PCNX2: variants seen among roughly 807,000 people sequenced by gnomAD.
PCNX2 encodes pecanex-like protein 2.
PCNX2 carries 168 observed loss-of-function variants against 223.8 expected under a neutral mutation model. That is an observed-to-expected ratio of 0.75 (90% confidence interval 0.66 to 0.85). The LOEUF is 0.85. PCNX2 is among the 40% of genes least tolerant of loss of function. The pLI, the probability that PCNX2 is intolerant of heterozygous loss-of-function variation, is 0.00. For missense variants in PCNX2, 2,507 were observed against 2,675.5 expected (o/e 0.94, Z 1.39); for synonymous variants, 1,006 against 1,052.6 (o/e 0.96, Z 0.86).
At chr1:233,185,662 A>G (rs1004912819) in intron 15 of PCNX2, among the ~76,000 whole-genome samples, 8 of 152,160 alleles carry the variant, frequency 5.3e-5, no homozygotes, top group African/African-American at 1.9e-4. Context: ...GGCTCAGAGG[A>G]AGAAGGGATC....
At chr1:233,246,672 AG>A (rs1491588879) in intron 8 of PCNX2, among the ~76,000 whole-genome samples, 1 of 152,162 alleles carries the variant, frequency 6.6e-6, no homozygotes, top group South Asian at 2.1e-4. Context: ...ATGGGAACAC[AG>A]GGGTAAGGTA....
At chr1:233,169,621 G>C (rs1159802942) in intron 17 of PCNX2, among the ~76,000 whole-genome samples, 1 of 142,852 alleles carries the variant, frequency 7.0e-6, no homozygotes, top group South Asian at 2.2e-4. Flanking sequence ...CTCCAGCCTG[G>C]GCGACAGAGC....
chr1:233,263,120 G>A lies in PCNX2; in HGVS notation c.197C>T (p.Ala66Val). 1 of 1,612,796 alleles carries A rather than the reference G, an allele frequency of 6.2e-7. No homozygotes were observed. Among genetic ancestry groups the A allele is most frequent in the South Asian group, 1.1e-5 (1 of 91,028 alleles). Reference protein sequence around the residue: ...NAIIVFFYCSAVTIFFTIIKL... With the variant: ...NAIIVFFYCSVVTIFFTIIKL... ...GATTATTGTGAAGAATATAGTCACT[G>A]CACTGCAGTAGAAAAATACAATGAT... Residue 66 changes from alanine (A) to valine (V), a missense_variant, in exon 2 of 34, where the codon GCA becomes GTA. Coordinates refer to ENST00000258229, the MANE Select transcript of PCNX2 (RefSeq NM_014801.4).
intron 9 of PCNX2, among the ~76,000 whole-genome samples, chr1:233,233,306 C>T (rs1658179796): frequency 6.6e-6 from 1 of 152,152 alleles, no homozygotes; most frequent in African/African-American, 2.4e-5. Context: ...GAATGCCAAT[C>T]TTGAGTTCAA....
chr1:233,107,186 TACACAC>T (rs112899127), intron 21 of PCNX2, among the ~76,000 whole-genome samples: 12 of 112,660 alleles, frequency 1.1e-4, no homozygotes, highest in Admixed American at 1.0e-3. Context: ...ACATGTATTA[TACACAC>T]ACACACACAC....
intron 25 of PCNX2, among the ~76,000 whole-genome samples, chr1:233,026,548 A>G (rs1348815499): frequency 6.6e-6 from 1 of 152,194 alleles, no homozygotes; most frequent in Non-Finnish European, 1.5e-5. Flanking sequence ...TGAAGCTGTT[A>G]GTGAACCCAG....
chr1:233,164,626 A>G (rs1004037161), intron 17 of PCNX2, among the ~76,000 whole-genome samples: 18 of 104,012 alleles, frequency 1.7e-4, no homozygotes, highest in African/African-American at 5.8e-4. Context: ...TGAAATATAT[A>G]TCATATATAG....
At chr1:233,123,169 T>G (rs1675901432) in intron 21 of PCNX2, among the ~76,000 whole-genome samples, 1 of 152,212 alleles carries the variant, frequency 6.6e-6, no homozygotes, top group South Asian at 2.1e-4. Context: ...TTATGACAAA[T>G]GTACCATACA....
intron 28 of PCNX2, among the ~76,000 whole-genome samples, chr1:233,008,454 A>G (rs981005476): frequency 6.6e-6 from 1 of 152,140 alleles, no homozygotes; most frequent in African/African-American, 2.4e-5. Context: ...ATTGTCATCA[A>G]TTTCTTTCTG....
chr1:233,176,970 C>T (rs896901017), intron 17 of PCNX2, among the ~76,000 whole-genome samples: 12 of 152,130 alleles, frequency 7.9e-5, no homozygotes, highest in Non-Finnish European at 1.8e-4. Flanking sequence ...CGAGATCATG[C>T]CACTGCACTC....
intron 24 of PCNX2, among the ~76,000 whole-genome samples, chr1:233,056,820 T>A (rs1242266865): frequency 6.6e-6 from 1 of 152,226 alleles, no homozygotes; most frequent in African/African-American, 2.4e-5. Context: ...CATAGCTTAA[T>A]GTTGACCAAA....
At chr1:233,168,383 G>A (rs183469102) in intron 17 of PCNX2, among the ~76,000 whole-genome samples, 103 of 152,016 alleles carry the variant, frequency 6.8e-4, no homozygotes, top group African/African-American at 2.3e-3. Flanking sequence ...ATATTTCTAT[G>A]CATATTTTAT....
In PCNX2 at chr1:232,984,273, G is replaced by T. The variant is rs757548578; in HGVS notation, c.*31C>A. The T allele has an allele frequency of 4.5e-6, 7 of 1,548,860 alleles. No individual in the cohort carries two copies. On this transcript the variant is annotated 3_prime_UTR_variant, in exon 34 of 34. Transcript: ENST00000258229. ...AGCAATGCAGGTGGGAGGTGTGGGG[G>T]AGCCAGCCTCCCCGCCCGGCCGCAC...
intron 20 of PCNX2, among the ~76,000 whole-genome samples, chr1:233,136,533 A>G (rs80018799): frequency 0.033 from 5,061 of 152,234 alleles, 114 homozygotes; most frequent in African/African-American, 0.067. Context: ...GGCCTTGTAC[A>G]GCAGGCTTGG....
intron 5 of PCNX2, 128 bp from the exon 6 acceptor site, chr1:233,252,916 G>C (rs1191828777): frequency 3.1e-6 from 3 of 964,470 alleles, no homozygotes; most frequent in African/African-American, 3.3e-5. Context: ...CATGCAAAAG[G>C]CTTTTAAATA....
In PCNX2 at chr1:233,156,579, C is replaced by T. The variant is rs569146666; in HGVS notation, c.3517+3704G>A. The stretch of plus-strand genomic sequence containing the variant: ...CTCAGGGAGCAGTGGGGAATCTATT[C>T]AGGTTTAGGTGGTCGGGGCAAGACT... On this transcript the variant is annotated intron_variant, in intron 19 of 33. Transcript: ENST00000258229. Among the ~76,000 whole-genome samples the T allele has an allele frequency of 4.6e-5, 7 of 152,088 alleles. No individual in the cohort carries two copies. The South Asian group carries it at 1.2e-3, about 27-fold the overall frequency.
chr1:233,169,506 A>G lies in PCNX2; in HGVS notation c.3274-8143T>C, dbSNP rs954110635. Among the ~76,000 whole-genome samples, 13 of 151,452 alleles carry G rather than the reference A, an allele frequency of 8.6e-5. No individual in the cohort carries two copies. In the South Asian group the frequency reaches 1.3e-3, roughly 15 times the overall value. On this transcript the variant is annotated intron_variant, in intron 17 of 33. Transcript: ENST00000258229. Reference sequence around the variant, plus strand: ...CTAAAAATGCAAAAATTAGCCGGGCATGGTGGCGCGCGCCTGTAGTCCCAG... The same window carrying G: ...CTAAAAATGCAAAAATTAGCCGGGCGTGGTGGCGCGCGCCTGTAGTCCCAG...
At chr1:233,176,627 G>A (rs1002235221) in intron 17 of PCNX2, among the ~76,000 whole-genome samples, 8 of 152,192 alleles carry the variant, frequency 5.3e-5, no homozygotes, top group Non-Finnish European at 8.8e-5. Context: ...TACACAAAAC[G>A]GACTGAATGT....
At chr1:233,299,687 C>T (rs981395183), upstream of PCNX2, among the ~76,000 whole-genome samples, 3 of 152,092 alleles carry the variant, frequency 2.0e-5, no homozygotes, top group Non-Finnish European at 4.4e-5. Context: ...GGGTTTGAGT[C>T]GGGAATATGC....
Sources: allele counts gnomAD v4.1 joint callset (sites outside exome capture counted in the v4.1 genomes callset), GRCh38; gene constraint gnomAD v4.1.1; transcripts MANE v1.5; gene names NCBI Gene and HGNC (gene_info 2026-07-23, HGNC 2026-07-21).